FAM151B: variants seen among roughly 807,000 people sequenced by gnomAD.
The protein encoded by FAM151B is protein FAM151B.
A neutral mutation model predicts 31.2 loss-of-function variants in FAM151B; 24 were observed. The ratio of observed to expected loss-of-function variants is 0.77; its 90% confidence interval spans 0.56 to 1.08. FAM151B has a LOEUF of 1.08. Among genes scored for constraint, FAM151B ranks in the 50% least tolerant of loss-of-function variants. The pLI is 0.00. For synonymous variants in FAM151B, 105 were observed against 111.4 expected, an observed-to-expected ratio of 0.94 and a Z score of 0.36; for missense variants, 293 against 328.6, an observed-to-expected ratio of 0.89 and a Z score of 0.84.
At chr5:80,505,008 C>A (rs957472460) in intron 2 of FAM151B, among the ~76,000 whole-genome samples, 1 of 152,134 alleles carries the variant, frequency 6.6e-6, no homozygotes, top group Non-Finnish European at 1.5e-5. Flanking sequence ...CTCCCCCTGG[C>A]GAGATAAGCC....
intron 3 of FAM151B, among the ~76,000 whole-genome samples, chr5:80,514,196 C>T (rs951467701): frequency 1.3e-5 from 2 of 152,004 alleles, no homozygotes; most frequent in Non-Finnish European, 2.9e-5. Context: ...TGGAGGCAGC[C>T]GGGCACAGTG....
chr5:80,517,527 G>A (rs915700913), intron 3 of FAM151B, among the ~76,000 whole-genome samples: 1 of 152,114 alleles, frequency 6.6e-6, no homozygotes. Flanking sequence ...AAAGTTTTTG[G>A]TTCTTTAGTG....
intron 1 of FAM151B, among the ~76,000 whole-genome samples, chr5:80,496,044 T>C (rs983924030): frequency 6.6e-6 from 1 of 152,326 alleles, no homozygotes; most frequent in Admixed American, 6.5e-5. Context: ...CCACAGATGA[T>C]AAAGAATATT....
chr5:80,489,334 TTC>T (rs1283318366), intron 1 of FAM151B, among the ~76,000 whole-genome samples: 1 of 152,168 alleles, frequency 6.6e-6, no homozygotes, highest in African/African-American at 2.4e-5. Context: ...GTGAACTTTT[TTC>T]TCTCTCTCTT....
intron 5 of FAM151B, among the ~76,000 whole-genome samples, chr5:80,538,002 A>G (rs2443549): frequency 0.096 from 14,576 of 152,064 alleles, 973 homozygotes; most frequent in African/African-American, 0.18. Flanking sequence ...TAGTTTCTTT[A>G]TACATATAAG....
At chr5:80,513,478 C>T (rs892272566) in intron 2 of FAM151B, 126 bp from the exon 3 acceptor site, 17 of 851,056 alleles carry the variant, frequency 2.0e-5, no homozygotes, top group African/African-American at 1.0e-4. Flanking sequence ...ATGGGATAAT[C>T]GCTCACTGAG....
intron 3 of FAM151B, among the ~76,000 whole-genome samples, chr5:80,517,550 T>C (rs1486020625): frequency 2.1e-5 from 2 of 97,426 alleles, no homozygotes; most frequent in Non-Finnish European, 2.2e-5. Flanking sequence ...GTTTTAAATT[T>C]GTTTAACCGC....
chr5:80,495,619 A>G (rs538784113), intron 1 of FAM151B, among the ~76,000 whole-genome samples: 86 of 152,268 alleles, frequency 5.6e-4, no homozygotes, highest in African/African-American at 2.0e-3. Flanking sequence ...TCATGAGGTC[A>G]GGAGATTGAG....
At chr5:80,508,337 A>T (rs1481628724) in intron 2 of FAM151B, among the ~76,000 whole-genome samples, 2 of 152,266 alleles carry the variant, frequency 1.3e-5, no homozygotes, top group East Asian at 3.9e-4. Context: ...TTAACTTTTT[A>T]AAGAACTGCC....
chr5:80,495,569 G>T (rs929469018), intron 1 of FAM151B, among the ~76,000 whole-genome samples: 1 of 152,204 alleles, frequency 6.6e-6, no homozygotes, highest in Non-Finnish European at 1.5e-5. Flanking sequence ...AGCGGCTCAT[G>T]CCTATAATCC....
intron 2 of FAM151B, among the ~76,000 whole-genome samples, chr5:80,503,977 GA>G (rs1162540822): frequency 6.6e-6 from 1 of 152,144 alleles, no homozygotes; most frequent in Non-Finnish European, 1.5e-5. Flanking sequence ...AGACTAGGGA[GA>G]GGGGCTGGGC....
intron 5 of FAM151B, among the ~76,000 whole-genome samples, chr5:80,529,781 G>A (rs1019768356): frequency 9.9e-5 from 15 of 152,112 alleles, no homozygotes; most frequent in African/African-American, 1.2e-4. Context: ...AGGACGAGAC[G>A]GATTCACAGC....
chr5:80,522,504 G>A lies in FAM151B; in HGVS notation c.671+366G>A, dbSNP rs184001225. The A allele has an allele frequency of 1.9e-3, 299 of 156,380 alleles. 1 individual carries two copies. The highest frequency in any genetic ancestry group is 6.8e-3 in the African/African-American group (284 of 41,750). The allele number at this position is 156,380 out of a possible 1,614,324, so 9.7% of individuals were successfully genotyped here. On this transcript the variant is annotated intron_variant, in intron 5 of 5. Coordinates refer to ENST00000282226, the MANE Select transcript of FAM151B (RefSeq NM_205548.3). ...CAGCCAGGTGTGATGGCTCACACCC[G>A]TAATCCCAGCACTTTGGGAGGCTGA...
intron 4 of FAM151B, among the ~76,000 whole-genome samples, chr5:80,520,682 G>A (rs1029720776): frequency 5.7e-5 from 8 of 140,766 alleles, no homozygotes; most frequent in Middle Eastern, 3.3e-3. Flanking sequence ...ATATATATGT[G>A]TGTGTATATA....
At chr5:80,532,143 C>T (rs1293324042) in intron 5 of FAM151B, among the ~76,000 whole-genome samples, 2 of 146,944 alleles carry the variant, frequency 1.4e-5, no homozygotes, top group African/African-American at 5.1e-5. Context: ...ACTGTGTGTT[C>T]TCACTCATAG....
At chr5:80,540,084 C>A (rs1000313951) in intron 5 of FAM151B, among the ~76,000 whole-genome samples, 11 of 152,188 alleles carry the variant, frequency 7.2e-5, no homozygotes, top group African/African-American at 2.7e-4. Flanking sequence ...TACAACACTA[C>A]CATACAGTCC....
rs779229841 is a variant in FAM151B at position 80,519,835 on chromosome 5, G to A, written c.460G>A (p.Val154Met). The change falls in exon 4 of 6, where the codon GTG (valine) becomes ATG (methionine). Residue 154 changes from valine to methionine, a missense_variant. Transcript: ENST00000282226. Reference protein sequence around the residue: ...VIDAKPFLDTVISFFPDVTFS... With the variant: ...VIDAKPFLDTMISFFPDVTFS... Reference sequence around the variant, plus strand: ...AGATGCAAAACCATTTTTAGACACCGTGATATCCTTCTTTCCAGACGTGAC... The same window carrying A: ...AGATGCAAAACCATTTTTAGACACCATGATATCCTTCTTTCCAGACGTGAC... The A allele has an allele frequency of 2.8e-5, 45 of 1,614,004 alleles. No homozygotes were observed. Among genetic ancestry groups the A allele is most frequent in the East Asian group, 4.5e-5 (2 of 44,886 alleles).
In FAM151B at chr5:80,522,088, A is replaced by T; in HGVS notation, c.621A>T (p.Leu207Phe). Residue 207 changes from leucine (L) to phenylalanine (F), a missense_variant, in exon 5 of 6, where the codon TTA becomes TTT. By Grantham distance (22) the Leu-to-Phe change is conservative. Coordinates refer to ENST00000282226, the MANE Select transcript of FAM151B (RefSeq NM_205548.3). ...TAACGTTCCCTGTCAGAGCAGCATT[A>T]GTCAGGCAGTCTTGTTCTCAGTTAC... ...QPVTFPVRAA[L>F]VRQSCSQLLW... 1 of 1,613,430 alleles carries T rather than the reference A, an allele frequency of 6.2e-7. No homozygotes were observed. Among genetic ancestry groups the T allele is most frequent in the Non-Finnish European group, 8.5e-7 (1 of 1,179,468 alleles).
chr5:80,491,547 G>A (rs569338667), intron 1 of FAM151B, among the ~76,000 whole-genome samples: 1 of 152,254 alleles, frequency 6.6e-6, no homozygotes, highest in Admixed American at 6.5e-5. Flanking sequence ...CACCATTGCT[G>A]TGCAATAGAT....
Sources: allele counts gnomAD v4.1 joint callset (sites outside exome capture counted in the v4.1 genomes callset), GRCh38; gene constraint gnomAD v4.1.1; transcripts MANE v1.5; gene names NCBI Gene and HGNC (gene_info 2026-07-23, HGNC 2026-07-21).